Variants in CHCHD6 observed in about 807,000 individuals in gnomAD.
CHCHD6 encodes the protein MICOS complex subunit MIC25.
Under a neutral mutation model 32.3 loss-of-function variants are expected in CHCHD6, and 28 were observed. The observed-to-expected ratio is 0.87, with a 90% CI of 0.64 to 1.19. The LOEUF is 1.19. Among genes scored for constraint, CHCHD6 ranks in the 50% most tolerant of loss-of-function variants. The pLI is 0.00. For synonymous variants in CHCHD6, 122 were observed against 117.5 expected (o/e 1.04, Z -0.25); for missense variants, 333 against 307.0 (o/e 1.08, Z -0.63).
At position 126,712,076 on chromosome 3, in the gene CHCHD6, G is replaced by C. The variant is rs535900295; in HGVS notation, c.87+7677G>C. On this transcript the variant is annotated intron_variant, in intron 1 of 7. Coordinates refer to ENST00000290913, the MANE Select transcript of CHCHD6 (RefSeq NM_032343.3). The stretch of plus-strand genomic sequence containing the variant: ...TTTCCACCTCAGCTGCTGAGGAGTG[G>C]AGGCTCATCTTAAAGACAGGATGGT... 2.6e-5 allele frequency among the ~76,000 whole-genome samples: 4 copies of C among 152,302 alleles called. No homozygotes were observed. In the East Asian group the frequency reaches 7.7e-4, roughly 29 times the overall value.
intron 4 of CHCHD6, among the ~76,000 whole-genome samples, chr3:126,749,387 A>G (rs914585931): frequency 1.3e-5 from 2 of 152,052 alleles, no homozygotes; most frequent in Admixed American, 6.5e-5. Context: ...TTTGGTGAGG[A>G]TGGGGGCTGT....
At chr3:126,890,985 G>C (rs937530619) in intron 5 of CHCHD6, among the ~76,000 whole-genome samples, 3 of 152,160 alleles carry the variant, frequency 2.0e-5, no homozygotes, top group Non-Finnish European at 4.4e-5. Context: ...GCGCCCAGTG[G>C]GATTGCAATT....
intron 4 of CHCHD6, among the ~76,000 whole-genome samples, chr3:126,796,858 G>A (rs535815296): frequency 3.3e-5 from 5 of 152,272 alleles, no homozygotes; most frequent in East Asian, 3.9e-4. Flanking sequence ...CTGTATCTCC[G>A]TAGTCCTCAC....
intron 5 of CHCHD6, among the ~76,000 whole-genome samples, chr3:126,895,520 G>T (rs1282322004): frequency 1.3e-5 from 2 of 152,232 alleles, no homozygotes; most frequent in African/African-American, 4.8e-5. Flanking sequence ...GGGTGGAAAT[G>T]TCATTTGGGC....
intron 1 of CHCHD6, among the ~76,000 whole-genome samples, chr3:126,713,982 C>A (rs1168229748): frequency 1.4e-5 from 2 of 143,368 alleles, no homozygotes; most frequent in East Asian, 4.2e-4. Context: ...GAGGCTGAGG[C>A]AGGAGAATGG....
At chr3:126,766,463 G>A (rs1937373783) in intron 4 of CHCHD6, 1 of 700,982 alleles carries the variant, frequency 1.4e-6, no homozygotes, top group Non-Finnish European at 2.7e-6. Flanking sequence ...TATTCTGGTA[G>A]TTTCTTGATC....
At chr3:126,891,847 T>G (rs1403259097) in intron 5 of CHCHD6, among the ~76,000 whole-genome samples, 1 of 152,074 alleles carries the variant, frequency 6.6e-6, no homozygotes, top group Non-Finnish European at 1.5e-5. Context: ...GAAGAAAGGC[T>G]GGTGGCAAGG....
chr3:126,862,219 ACCTCCTCCTCCTCCTCCATCACCACCT>A (rs1941931312), intron 5 of CHCHD6, among the ~76,000 whole-genome samples: 1 of 83,074 alleles, frequency 1.2e-5, no homozygotes, highest in Non-Finnish European at 2.4e-5. Flanking sequence ...CATCATCACC[ACCTCCTCCTCCTCCTCCATCACCACCT>A]CCTCCTCCTC....
chr3:126,930,223 T>C (rs940641251), intron 6 of CHCHD6, among the ~76,000 whole-genome samples: 1 of 152,260 alleles, frequency 6.6e-6, no homozygotes, highest in Non-Finnish European at 1.5e-5. Context: ...TCCTTTTCCA[T>C]GTACTCCAAA....
intron 4 of CHCHD6, among the ~76,000 whole-genome samples, chr3:126,842,216 T>C (rs765304348): frequency 1.1e-4 from 16 of 152,186 alleles, no homozygotes; most frequent in Non-Finnish European, 2.2e-4. Context: ...TTTCTTGGAG[T>C]ACAGAGTGAG....
At chr3:126,929,986 G>C (rs963459901) in intron 6 of CHCHD6, among the ~76,000 whole-genome samples, 3 of 152,252 alleles carry the variant, frequency 2.0e-5, no homozygotes, top group African/African-American at 7.2e-5. Context: ...TCTAGGTACA[G>C]TGATCCATCT....
intron 6 of CHCHD6, among the ~76,000 whole-genome samples, chr3:126,933,893 C>T (rs1421582214): frequency 6.6e-6 from 1 of 152,176 alleles, no homozygotes; most frequent in Non-Finnish European, 1.5e-5. Flanking sequence ...ATTGCAGCAT[C>T]AAAATACCCC....
chr3:126,869,528 C>T (rs1402365280), intron 5 of CHCHD6, among the ~76,000 whole-genome samples: 2 of 151,986 alleles, frequency 1.3e-5, no homozygotes, highest in Non-Finnish European at 2.9e-5. Flanking sequence ...ATTATTGATA[C>T]GGCTGAGCAT....
At chr3:126,863,327 C>T (rs1366542027) in intron 5 of CHCHD6, among the ~76,000 whole-genome samples, 1 of 144,076 alleles carries the variant, frequency 6.9e-6, no homozygotes, top group Non-Finnish European at 1.5e-5. Flanking sequence ...ACCACCTCCT[C>T]CTCCTCCTCC....
chr3:126,768,661 G>A (rs1331991956), intron 4 of CHCHD6, among the ~76,000 whole-genome samples: 1 of 152,102 alleles, frequency 6.6e-6, no homozygotes, highest in East Asian at 1.9e-4. Flanking sequence ...TTCCACAGAG[G>A]CTGAAGTAAT....
chr3:126,860,860 A>C (rs1941834884), intron 5 of CHCHD6, among the ~76,000 whole-genome samples: 1 of 152,198 alleles, frequency 6.6e-6, no homozygotes, highest in Admixed American at 6.5e-5. Flanking sequence ...GGAATATACA[A>C]AGAAATTGAT....
chr3:126,846,105 C>T (rs940364568), intron 4 of CHCHD6, among the ~76,000 whole-genome samples: 2 of 152,154 alleles, frequency 1.3e-5, no homozygotes, highest in Non-Finnish European at 2.9e-5. Flanking sequence ...GCCTGCCAGC[C>T]ACCAGAAGGG....
chr3:126,764,942 A>G (rs1005062539), intron 4 of CHCHD6, among the ~76,000 whole-genome samples: 11 of 152,178 alleles, frequency 7.2e-5, no homozygotes, highest in African/African-American at 2.4e-4. Context: ...TCTTAGAGAG[A>G]TGCAGGCCAG....
intron 4 of CHCHD6, among the ~76,000 whole-genome samples, chr3:126,742,685 G>A (rs1159495339): frequency 5.9e-5 from 9 of 152,148 alleles, no homozygotes; most frequent in Admixed American, 5.9e-4. Flanking sequence ...AGCACACTCA[G>A]CCCCCTCACC....
Sources: gnomAD v4.1 joint callset for allele counts (sites outside exome capture counted in the v4.1 genomes callset) on GRCh38, gnomAD v4.1.1 for gene constraint, MANE v1.5 for transcripts, NCBI Gene and HGNC (gene_info 2026-07-23, HGNC 2026-07-21) for gene names.